The following RAI1 variants were observed in gnomAD, a reference collection of about 807,000 sequenced individuals.
The protein encoded by RAI1 is retinoic acid induced 1, also known as retinoic acid-induced protein 1.
In RAI1, 9 loss-of-function variants were observed where a neutral mutation model predicts 123.8. The observed-to-expected ratio is 0.07, with a 90% CI of 0.04 to 0.13. The LOEUF is 0.13. RAI1 is among the 10% of genes least tolerant of loss of function. The pLI, the probability that RAI1 is intolerant of heterozygous loss-of-function variation, is 1.00. For missense variants in RAI1, 2,256 were observed against 2,545.8 expected (o/e 0.89, Z 2.45); for synonymous variants, 1,231 against 1,127.3 (o/e 1.09, Z -1.84).
chr17:17,746,692 A>G (rs1180388863), intron 2 of RAI1, among the ~76,000 whole-genome samples: 7 of 144,908 alleles, frequency 4.8e-5, no homozygotes, highest in Admixed American at 3.5e-4. Context: ...CTGGAGTGCA[A>G]TGGTGCTATC....
chr17:17,691,145 T>C (rs1914824062), intron 1 of RAI1, among the ~76,000 whole-genome samples: 1 of 152,114 alleles, frequency 6.6e-6, no homozygotes, highest in African/African-American at 2.4e-5. Context: ...GAGCAGTGGG[T>C]CTCATTCGGG....
Position 17,809,104 on chromosome 17 carries a change from A to G in RAI1, c.5660-286A>G. ...TAAGGCGGGAGGGAGGGAGGGACTGAGGGACTGCCTCAAGTGAGGAGGGGC... is the reference window on the plus strand; with the variant it reads ...TAAGGCGGGAGGGAGGGAGGGACTGGGGGACTGCCTCAAGTGAGGAGGGGC... On this transcript the variant is annotated intron_variant, in intron 4 of 5. Coordinates refer to ENST00000353383, the MANE Select transcript of RAI1 (RefSeq NM_030665.4). This position sits in a 1 kb window ranked among gnomAD's most constrained non-coding sequence, Gnocchi z 4.9. The G allele has an allele frequency of 1.9e-6, 1 of 520,272 alleles. No homozygotes were observed. Among genetic ancestry groups the G allele is most frequent in the Non-Finnish European group, 3.5e-6 (1 of 284,506 alleles). The allele number at this position is 520,272 out of a possible 1,614,324, so 32.2% of individuals were successfully genotyped here. A position where few individuals can be genotyped will look rare whatever the true frequency, so the allele number is the denominator to read the frequency against.
chr17:17,775,636 G>T (rs188956297), intron 2 of RAI1, among the ~76,000 whole-genome samples: 3 of 152,046 alleles, frequency 2.0e-5, no homozygotes, highest in African/African-American at 7.2e-5. Flanking sequence ...GGAGACAATC[G>T]AATCTATTTA....
Position 17,796,416 on chromosome 17 carries a change from C to G in RAI1, c.3468C>G (p.Phe1156Leu). The change falls in exon 3 of 6, where the codon TTC becomes TTG. Residue 1156 changes from phenylalanine to leucine, a missense_variant. By Grantham distance (22) the Phe-to-Leu change is conservative. Transcript: ENST00000353383. This position sits in a 1 kb window ranked among gnomAD's most constrained non-coding sequence, Gnocchi z 5.8. ...CACGCACCAAAACCCAGGAGATCTT[C>G]CACTCCAAGCGGCGGAGGCCCTCTG... ...LRSRTKTQEI[F>L]HSKRRRPSEG... 1 of 1,613,584 alleles carries G rather than the reference C, an allele frequency of 6.2e-7. No homozygotes were observed. Among genetic ancestry groups the G allele is most frequent in the Non-Finnish European group, 8.5e-7 (1 of 1,180,012 alleles).
chr17:17,694,754 C>G (rs1356757422), intron 1 of RAI1, among the ~76,000 whole-genome samples: 2 of 150,026 alleles, frequency 1.3e-5, no homozygotes, highest in Non-Finnish European at 3.0e-5. Context: ...TGAGGCCAGG[C>G]GGGGGGCGAG....
intron 2 of RAI1, among the ~76,000 whole-genome samples, chr17:17,772,639 G>A (rs1033886063): frequency 6.6e-6 from 1 of 152,170 alleles, no homozygotes. Flanking sequence ...TGCCTTCCAG[G>A]CTTTTCCTCT....
At position 17,792,963 on chromosome 17, in the gene RAI1, A is replaced by G. The variant is rs769715744; in HGVS notation, c.15A>G (p.Arg5=). Residue 5 remains arginine, a synonymous_variant, in exon 3 of 6, where the codon CGA becomes CGG. Coordinates refer to ENST00000353383, the MANE Select transcript of RAI1 (RefSeq NM_030665.4). MQSF[R]ERCGFHGKQQ... ...CAGCCCGAGTCATGCAGTCTTTTCGAGAAAGGTGTGGTTTCCATGGCAAAC... is the reference window on the plus strand; with the variant it reads ...CAGCCCGAGTCATGCAGTCTTTTCGGGAAAGGTGTGGTTTCCATGGCAAAC... The G allele has an allele frequency of 2.1e-6, 3 of 1,421,610 alleles. No individual in the cohort carries two copies. The East Asian group carries it at 1.1e-4, about 54-fold the overall frequency. 88.1% of individuals were successfully genotyped at this position (1,421,610 alleles called of 1,614,324 possible).
intron 2 of RAI1, among the ~76,000 whole-genome samples, chr17:17,765,048 G>C (rs1340025864): frequency 3.3e-5 from 5 of 152,220 alleles, no homozygotes; most frequent in Admixed American, 2.6e-4. Flanking sequence ...ATCTTCGGTG[G>C]CTTGCGCCTG....
intron 1 of RAI1, among the ~76,000 whole-genome samples, chr17:17,697,722 T>C (rs1915085035): frequency 6.6e-6 from 1 of 152,174 alleles, no homozygotes; most frequent in Admixed American, 6.5e-5. Context: ...GGGTTGCTGT[T>C]AGGTGGCTTG....
chr17:17,776,837 T>G (rs1737964), intron 2 of RAI1: 2 of 151,736 alleles, frequency 1.3e-5, no homozygotes, highest in African/African-American at 4.9e-5. Context: ...CTAGTTCATT[T>G]TTTTTCTTGT....
intron 2 of RAI1, among the ~76,000 whole-genome samples, chr17:17,754,035 C>G (rs1241523158): frequency 1.3e-5 from 2 of 152,114 alleles, no homozygotes; most frequent in Non-Finnish European, 2.9e-5. Context: ...TGCTGACACT[C>G]ACCTGAACCT....
chr17:17,798,643 CAG>C (rs1379406653), intron 3 of RAI1, 130 bp downstream of exon 3: 1 of 1,459,430 alleles, frequency 6.9e-7, no homozygotes, highest in Non-Finnish European at 9.2e-7. Flanking sequence ...GGACAATCTG[CAG>C]AGTCCTGAGC....
chr17:17,758,009 C>T (rs187075239), intron 2 of RAI1, among the ~76,000 whole-genome samples: 136 of 152,366 alleles, frequency 8.9e-4, no homozygotes, highest in African/African-American at 3.2e-3. Context: ...GGCCTCCTAC[C>T]TCGCCCCCAC....
chr17:17,717,706 T>C (rs1040286576), intron 1 of RAI1, among the ~76,000 whole-genome samples: 1 of 152,122 alleles, frequency 6.6e-6, no homozygotes, highest in Non-Finnish European at 1.5e-5. Flanking sequence ...GGGCCTTGCC[T>C]CTTTTAAGTT....
chr17:17,780,441 C>G (rs150838688), intron 2 of RAI1, among the ~76,000 whole-genome samples: 1 of 152,142 alleles, frequency 6.6e-6, no homozygotes, highest in Non-Finnish European at 1.5e-5. Flanking sequence ...TCGCCCATGT[C>G]TTTCACCCCT....
chr17:17,780,805 G>A (rs758671025), intron 2 of RAI1, among the ~76,000 whole-genome samples: 2 of 152,230 alleles, frequency 1.3e-5, no homozygotes, highest in Non-Finnish European at 2.9e-5. Flanking sequence ...GCTGGCTGGG[G>A]GAGAAGCCCC....
chr17:17,705,181 C>G (rs1303807757), intron 1 of RAI1, among the ~76,000 whole-genome samples: 2 of 152,188 alleles, frequency 1.3e-5, no homozygotes, highest in Non-Finnish European at 2.9e-5. Flanking sequence ...AAGCCTGTCC[C>G]CCGGCCAGGG....
chr17:17,776,706 C>T (rs530562624), intron 2 of RAI1: 4 of 138,866 alleles, frequency 2.9e-5, no homozygotes, highest in Admixed American at 7.7e-5. Flanking sequence ...CTTGCTCTGT[C>T]GCCCAGACTG....
At chr17:17,748,992 G>A (rs2142980364) in intron 2 of RAI1, among the ~76,000 whole-genome samples, 1 of 152,348 alleles carries the variant, frequency 6.6e-6, no homozygotes, top group African/African-American at 2.4e-5. Flanking sequence ...GACCTCAGGA[G>A]ACAGCAGCAG....
Sources: gnomAD v4.1 joint callset for allele counts (sites outside exome capture counted in the v4.1 genomes callset) on GRCh38, gnomAD v4.1.1 for gene constraint, Gnocchi (gnomAD v3.1) non-coding constraint, MANE v1.5 for transcripts, NCBI Gene and HGNC (gene_info 2026-07-23, HGNC 2026-07-21) for gene names.